DGKG: variants seen among roughly 807,000 people sequenced by gnomAD.
DGKG encodes diacylglycerol kinase gamma, also known as DAG kinase gamma.
A neutral mutation model predicts 105.3 loss-of-function variants in DGKG; 78 were observed. That is an observed-to-expected ratio of 0.74 (90% confidence interval 0.62 to 0.89). The LOEUF (loss-of-function observed/expected upper bound fraction) is 0.89. Among genes scored for constraint, DGKG ranks in the 40% least tolerant of loss-of-function variants. The pLI is 0.00. For missense variants in DGKG, 958 were observed against 1,020.1 expected, an observed-to-expected ratio of 0.94 and a Z score of 0.83; for synonymous variants, 346 against 367.1, an observed-to-expected ratio of 0.94 and a Z score of 0.66.
intron 5 of DGKG, among the ~76,000 whole-genome samples, 158 bp downstream of exon 5, chr3:186,297,263 G>A (rs975939452): frequency 6.6e-6 from 1 of 152,174 alleles, no homozygotes; most frequent in African/African-American, 2.4e-5. Flanking sequence ...AATGACAGGA[G>A]CCCCAGAGAT....
At chr3:186,316,350 C>A (rs1207003132) in intron 2 of DGKG, among the ~76,000 whole-genome samples, 1 of 152,174 alleles carries the variant, frequency 6.6e-6, no homozygotes, top group Non-Finnish European at 1.5e-5. Context: ...CATGCATATT[C>A]TCAAGTTTGT....
In DGKG at chr3:186,361,803, T is replaced by A. The variant is rs1727243496; in HGVS notation, c.-249+143A>T. 6.6e-6 allele frequency: 1 copy of A among 152,384 alleles called. No individual in the cohort carries two copies. The highest frequency in any genetic ancestry group is 1.5e-5 in the Non-Finnish European group (1 of 68,300). The allele number at this position is 152,384 out of a possible 1,614,324, so 9.4% of individuals were successfully genotyped here. ...TGCAGGGCTTTGTGGCAGGTGGAAC[T>A]GTCGGGGTGGGCGCCGTGGCTTTGG... On this transcript the variant is annotated intron_variant, in intron 1 of 24. Coordinates refer to ENST00000265022, the MANE Select transcript of DGKG (RefSeq NM_001346.3). This position sits in a 1 kb window ranked among gnomAD's most constrained non-coding sequence, Gnocchi z 6.8.
chr3:186,166,283 G>A (rs1215264530), intron 22 of DGKG, among the ~76,000 whole-genome samples: 2 of 152,114 alleles, frequency 1.3e-5, no homozygotes, highest in African/African-American at 2.4e-5. Context: ...ACAGATACAC[G>A]GCTTGCATCA....
Position 186,147,766 on chromosome 3 carries a change from C to T in DGKG, c.*2324G>A, listed in dbSNP as rs768209870. 8.1e-6 allele frequency: 8 copies of T among 985,270 alleles called. No individual in the cohort carries two copies. The highest frequency in any genetic ancestry group is 1.2e-4 in the Admixed American group (2 of 16,258). 61.0% of individuals were successfully genotyped at this position (985,270 alleles called of 1,614,324 possible). Reference sequence around the variant, plus strand: ...GGGGATCATGGCTGAAACACATGCACGAACTTCTGTAAATGTCTTAGAATC... The same window carrying T: ...GGGGATCATGGCTGAAACACATGCATGAACTTCTGTAAATGTCTTAGAATC... On this transcript the variant is annotated 3_prime_UTR_variant, in exon 25 of 25. Transcript: ENST00000265022.
At chr3:186,271,891 T>C (rs1722333407) in intron 11 of DGKG, among the ~76,000 whole-genome samples, 1 of 152,232 alleles carries the variant, frequency 6.6e-6, no homozygotes, top group South Asian at 2.1e-4. Context: ...TGCCAGCTCC[T>C]TTGTGCAACT....
chr3:186,260,547 G>C, intron 15 of DGKG, 34 bp from the exon 16 acceptor site: 189 of 1,412,418 alleles, frequency 1.3e-4, no homozygotes, highest in Non-Finnish European at 1.7e-4. Context: ...GGGAGAGAGA[G>C]AGACAGAGAA....
chr3:186,200,675 G>T (rs1033455525), intron 21 of DGKG, among the ~76,000 whole-genome samples: 10 of 152,164 alleles, frequency 6.6e-5, no homozygotes, highest in Non-Finnish European at 1.2e-4. Context: ...CTTCCACCTA[G>T]CCTTGTCCGC....
At position 186,361,652 on chromosome 3, in the gene DGKG, C is replaced by G. The variant is rs913136844; in HGVS notation, c.-249+294G>C. 6.6e-6 allele frequency among the ~76,000 whole-genome samples: 1 copy of G among 152,262 alleles called. No individual in the cohort carries two copies. The highest frequency in any genetic ancestry group is 2.4e-5 in the African/African-American group (1 of 41,478). On this transcript the variant is annotated intron_variant, in intron 1 of 24. Coordinates refer to ENST00000265022, the MANE Select transcript of DGKG (RefSeq NM_001346.3). This position sits in a 1 kb window ranked among gnomAD's most constrained non-coding sequence, Gnocchi z 6.8. ...CCGACCAGTTGCTTTAGCAAACTGC[C>G]TGGAGCAAGGCCGCCTCCCACCCGC...
rs1186721270 is a variant in DGKG at position 186,299,813 on chromosome 3, CTTTCTTTCTTTCTTTCTTTCTTTCTTTT to C, written c.145-1612_145-1585del. On this transcript the variant is annotated intron_variant, in intron 3 of 24. Coordinates refer to ENST00000265022, the MANE Select transcript of DGKG (RefSeq NM_001346.3). Reference sequence around the variant, plus strand: ...TCTTTCTTTCTTTCTTTCTTTCTTTCTTTCTTTCTTTCTTTCTTTCTTTCTTTTTTTTTTTTTTTGAGATAGAGCCTTG... The same window carrying C: ...TCTTTCTTTCTTTCTTTCTTTCTTTCTTTTTTTTTTTGAGATAGAGCCTTG... 1.7e-4 allele frequency among the ~76,000 whole-genome samples: 17 copies of C among 98,092 alleles called. 1 individual carries two copies. Among genetic ancestry groups the C allele is most frequent in the East Asian group, 4.7e-4 (2 of 4,264 alleles). 64.4% of individuals were successfully genotyped at this position (98,092 alleles called of 152,430 possible).
At chr3:186,275,909 G>T (rs74807954) in intron 9 of DGKG, among the ~76,000 whole-genome samples, 1 of 152,058 alleles carries the variant, frequency 6.6e-6, no homozygotes, top group East Asian at 1.9e-4. Context: ...ATCCTCTCCC[G>T]CATGGCTGGC....
At position 186,314,173 on chromosome 3, in the gene DGKG, G is replaced by GCACACA. The variant is rs3221277; in HGVS notation, c.67+6214_67+6219dup. Among the ~76,000 whole-genome samples, 48 of 139,572 alleles carry GCACACA rather than the reference G, an allele frequency of 3.4e-4. No individual in the cohort carries two copies. The East Asian group carries it at 4.2e-3, about 12-fold the overall frequency. The allele number at this position is 139,572 out of a possible 152,430, so 91.6% of individuals were successfully genotyped here. ...TAATTTAATTGACATATACATATCTGCACACACACACACACACACACACAC... is the reference window on the plus strand; with the variant it reads ...TAATTTAATTGACATATACATATCTGCACACACACACACACACACACACACACACAC... On this transcript the variant is annotated intron_variant, in intron 2 of 24. Coordinates refer to ENST00000265022, the MANE Select transcript of DGKG (RefSeq NM_001346.3).
rs149482425 is a variant in DGKG, at chr3:186,239,759, C to G, written c.1826+2745G>C. On this transcript the variant is annotated intron_variant, in intron 20 of 24. Coordinates refer to ENST00000265022, the MANE Select transcript of DGKG (RefSeq NM_001346.3). ...ACCATGTCATCCATGCTACCTTGAC[C>G]TCAGTCAGGTGAAGAGTGAGCTGAG... 6.3e-3 allele frequency among the ~76,000 whole-genome samples: 957 copies of G among 152,250 alleles called. 8 individuals carry two copies. The highest frequency in any genetic ancestry group is 0.022 in the African/African-American group (911 of 41,528).
chr3:186,229,519 A>G (rs1720030696), intron 20 of DGKG, among the ~76,000 whole-genome samples: 1 of 152,196 alleles, frequency 6.6e-6, no homozygotes, highest in Non-Finnish European at 1.5e-5. Context: ...TGCTGGGATT[A>G]CAGGCATGAG....
chr3:186,180,419 A>C (rs1224179765), intron 22 of DGKG, among the ~76,000 whole-genome samples: 1 of 152,146 alleles, frequency 6.6e-6, no homozygotes. Context: ...TACTCCCCAG[A>C]GCTAAGAAGA....
rs375667915 is a variant in DGKG at position 186,273,367 on chromosome 3, C to CTTTTT, written c.911-1029_911-1025dup. ...TGGCGCTGGGGAGACTGTTGTACCC[C>CTTTTT]TTTTTTTTTTTTTTTTTTTTTTTTT... is the stretch of plus-strand genomic sequence containing the variant. On this transcript the variant is annotated intron_variant, in intron 10 of 24. Coordinates refer to ENST00000265022, the MANE Select transcript of DGKG (RefSeq NM_001346.3). Among the ~76,000 whole-genome samples, 23 of 85,634 alleles carry CTTTTT rather than the reference C, an allele frequency of 2.7e-4. 2 individuals are homozygous for CTTTTT. The highest frequency in any genetic ancestry group is 3.9e-4 in the Non-Finnish European group (17 of 43,342). The allele number at this position is 85,634 out of a possible 152,430, so 56.2% of individuals were successfully genotyped here.
chr3:186,150,156 C>A lies in DGKG; in HGVS notation c.2310G>T (p.Met770Ile), dbSNP rs762443886. The change falls in exon 25 of 25, where the codon ATG becomes ATT. Residue 770 changes from methionine (M) to isoleucine (I), a missense_variant. By Grantham distance (10) the Met-to-Ile change is conservative. This residue lies in a region of DGKG where 315 missense variants were observed against 400.6 expected (regional missense o/e 0.79). Coordinates refer to ENST00000265022, the MANE Select transcript of DGKG (RefSeq NM_001346.3). ...TGCTCTTCTGGGGAGGCCCCATCATCATGGGCGCTTGGTTCTTGTGAGTAA... is the reference window on the plus strand; with the variant it reads ...TGCTCTTCTGGGGAGGCCCCATCATAATGGGCGCTTGGTTCTTGTGAGTAA... Reference protein sequence around the residue: ...IKITHKNQAPMMMGPPQKSSF... With the variant: ...IKITHKNQAPIMMGPPQKSSF... 3.1e-6 allele frequency: 5 copies of A among 1,613,478 alleles called. No homozygotes were observed. In the Admixed American group the frequency reaches 6.7e-5, roughly 22 times the overall value.
Position 186,161,676 on chromosome 3 carries a change from A to C in DGKG, c.2217-13T>G. 1 of 1,614,222 alleles carries C rather than the reference A, an allele frequency of 6.2e-7. No homozygotes were observed. Among genetic ancestry groups the C allele is most frequent in the Non-Finnish European group, 8.5e-7 (1 of 1,180,026 alleles). On this transcript the variant is annotated splice_polypyrimidine_tract_variant and intron_variant, in intron 23 of 24. Transcript: ENST00000265022. ...CAGCTTGTTTGTCCTGGAACCCAGA[A>C]CACCAAGAGAACACAGTGAGCTTTT...
At chr3:186,299,837 C>CTTTCTTT (rs1560142091) in intron 3 of DGKG, among the ~76,000 whole-genome samples, 2 of 89,996 alleles carry the variant, frequency 2.2e-5, no homozygotes, top group Admixed American at 1.2e-4. Flanking sequence ...TTCTTTCTTT[C>CTTTCTTT]TTTTTTTTTT....
At position 186,259,727 on chromosome 3, in the gene DGKG, C is replaced by T. The variant is rs532398734; in HGVS notation, c.1424+712G>A. On this transcript the variant is annotated intron_variant, in intron 16 of 24. Coordinates refer to ENST00000265022, the MANE Select transcript of DGKG (RefSeq NM_001346.3). ...CGGCCAGTAGAGGGCTCTCGAGCAC[C>T]GGCCCGGACTGGGAGGAAGCCCAGG... Among the ~76,000 whole-genome samples the T allele has an allele frequency of 2.8e-3, 423 of 152,088 alleles. 6 individuals are homozygous for T. Among genetic ancestry groups the T allele is most frequent in the African/African-American group, 9.6e-3 (400 of 41,504 alleles).
Sources: allele counts gnomAD v4.1 joint callset (sites outside exome capture counted in the v4.1 genomes callset), GRCh38; gene constraint gnomAD v4.1.1; regional missense constraint gnomAD v4.1.1; non-coding constraint Gnocchi (gnomAD v3.1); transcripts MANE v1.5; gene names NCBI Gene and HGNC (gene_info 2026-07-23, HGNC 2026-07-21).